Variants in MBL2 observed in about 807,000 individuals in gnomAD.
MBL2 encodes mannose-binding protein C.
A neutral mutation model predicts 12.7 loss-of-function variants in MBL2; 6 were observed. That is an observed-to-expected ratio of 0.47 (90% CI 0.26 to 0.94). The LOEUF (loss-of-function observed/expected upper bound fraction) is 0.94, where lower values mean the gene tolerates loss of function less well. Among genes scored for constraint, MBL2 ranks in the 40% least tolerant of loss-of-function variants. The probability of loss-of-function intolerance (pLI) is 0.15; values close to 1 mark genes in which losing one functional copy is unlikely to be tolerated. For missense variants in MBL2, 307 were observed against 295.2 expected, an observed-to-expected ratio of 1.04 and a Z score of -0.29; for synonymous variants, 114 against 112.0, an observed-to-expected ratio of 1.02 and a Z score of -0.11.
chr10:52,772,763 G>A lies in MBL2; in HGVS notation c.-36C>T, dbSNP rs1455685676. 2 of 985,220 alleles carry A rather than the reference G, an allele frequency of 2.0e-6. No homozygotes were observed. The highest frequency in any genetic ancestry group is 1.0e-3 in the Middle Eastern group (2 of 1,936). The allele number at this position is 985,220 out of a possible 1,614,324, so 61.0% of individuals were successfully genotyped here. On this transcript the variant is annotated 5_prime_UTR_variant, in exon 1 of 5. Coordinates refer to ENST00000674931, the MANE Select transcript of MBL2 (RefSeq NM_001378373.1). ...GGTGTTTCTGCAGAGCAGGGACTCA[G>A]TGACAAGGACGCTGGCCCTCTAGCC...
intron 1 of MBL2, among the ~76,000 whole-genome samples, chr10:52,771,873 A>G (rs1589872435): frequency 6.6e-6 from 1 of 152,328 alleles, no homozygotes; most frequent in African/African-American, 2.4e-5. Context: ...GGAGGGGTTC[A>G]TCTGTGCCTA....
Position 52,766,362 on chromosome 10 carries a change from C to T in MBL2, c.*1775G>A, listed in dbSNP as rs566059561. 24 of 152,154 alleles carry T rather than the reference C, an allele frequency of 1.6e-4. No homozygotes were observed. The highest frequency in any genetic ancestry group is 5.3e-4 in the African/African-American group (22 of 41,534). The allele number at this position is 152,154 out of a possible 1,614,324, so 9.4% of individuals were successfully genotyped here. ...AACAAATAGACTAGAATAGACAGCCCAGAAACAGACACACACACATACAGT... is the reference window on the plus strand; with the variant it reads ...AACAAATAGACTAGAATAGACAGCCTAGAAACAGACACACACACATACAGT... On this transcript the variant is annotated 3_prime_UTR_variant, in exon 5 of 5. Transcript: ENST00000674931.
chr10:52,765,440 T>C lies in MBL2; in HGVS notation c.*2697A>G, dbSNP rs936463381. On this transcript the variant is annotated 3_prime_UTR_variant, in exon 5 of 5. Coordinates refer to ENST00000674931, the MANE Select transcript of MBL2 (RefSeq NM_001378373.1). ...TTGATTTAATTTTTAAAAATCGATA[T>C]GTGTTATGTATAATATCACATTATC... The C allele has an allele frequency of 6.6e-5, 10 of 152,248 alleles. No individual in the cohort carries two copies. The highest frequency in any genetic ancestry group is 6.5e-4 in the Admixed American group (10 of 15,292). 9.4% of individuals were successfully genotyped at this position (152,248 alleles called of 1,614,324 possible). A position where few individuals can be genotyped will look rare whatever the true frequency, so the allele number is the denominator to read the frequency against.
rs900353098 is a variant in MBL2 at position 52,771,438 on chromosome 10, C to G, written c.187+11G>C. On this transcript the variant is annotated intron_variant, in intron 2 of 4. Transcript: ENST00000674931. The stretch of plus-strand genomic sequence containing the variant: ...TAAAGAATTGCAGAGACAGAACAGC[C>G]CAACACGTACCTGGTTCCCCCTTTT... 1 of 1,612,928 alleles carries G rather than the reference C, an allele frequency of 6.2e-7. No homozygotes were observed. The highest frequency in any genetic ancestry group is 1.3e-5 in the African/African-American group (1 of 74,890).
chr10:52,766,588 ATATCT>A lies in MBL2; in HGVS notation c.*1544_*1548del, dbSNP rs538391080. ...CTTCATGGTTTCAAAATCATGAAAA[ATATCT>A]TATGATTTTGGGATGGGCAAAAATT... On this transcript the variant is annotated 3_prime_UTR_variant, in exon 5 of 5. Transcript: ENST00000674931. 157 of 152,268 alleles carry A rather than the reference ATATCT, an allele frequency of 1.0e-3. No homozygotes were observed. Among genetic ancestry groups the A allele is most frequent in the African/African-American group, 3.5e-3 (147 of 41,578 alleles). The allele number at this position is 152,268 out of a possible 1,614,324, so 9.4% of individuals were successfully genotyped here.
intron 3 of MBL2, 49 bp downstream of exon 3, chr10:52,770,621 G>T (rs373005659): frequency 3.1e-5 from 36 of 1,167,716 alleles, no homozygotes; most frequent in Middle Eastern, 4.2e-4. Flanking sequence ...GATACTCAAG[G>T]TCTCAGAACC....
rs1168857746 is a variant in MBL2 at position 52,768,404 on chromosome 10, G to A, written c.480C>T (p.Ala160=). 1.2e-6 allele frequency: 2 copies of A among 1,613,530 alleles called. No individual in the cohort carries two copies. The highest frequency in any genetic ancestry group is 2.2e-5 in the East Asian group (1 of 44,886). ...KVKALCVKFQ[A]SVATPRNAAE... ...CAGCATTCCTGGGGGTGGCCACAGA[G>A]GCCTGGAACTTGACACACAAGGCCT... The change falls in exon 5 of 5, where the codon GCC becomes GCT. Residue 160 remains alanine, a synonymous_variant. Coordinates refer to ENST00000674931, the MANE Select transcript of MBL2 (RefSeq NM_001378373.1).
Position 52,768,292 on chromosome 10 carries a change from G to T in MBL2, c.592C>A (p.Leu198Met). The change falls in exon 5 of 5, where the codon CTG becomes ATG. Residue 198 changes from leucine to methionine, a missense_variant. Physicochemically the swap from Leu to Met is conservative, Grantham distance 15 (BLOSUM62 2). Coordinates refer to ENST00000674931, the MANE Select transcript of MBL2 (RefSeq NM_001378373.1). The stretch of plus-strand genomic sequence containing the variant: ...GTGTAGGTCAGTCTATTTCCTGTCA[G>T]ATCCACAAACTGCCCTTCTGTCTTC... ...DEKTEGQFVD[L>M]TGNRLTYTNW... The T allele has an allele frequency of 6.2e-7, 1 of 1,613,770 alleles. No individual in the cohort carries two copies. Among genetic ancestry groups the T allele is most frequent in the Non-Finnish European group, 8.5e-7 (1 of 1,179,984 alleles).
rs1564435140 is a variant in MBL2 at position 52,768,039 on chromosome 10, C to T, written c.*98G>A. 1 of 1,445,036 alleles carries T rather than the reference C, an allele frequency of 6.9e-7. No individual in the cohort carries two copies. The highest frequency in any genetic ancestry group is 9.3e-7 in the Non-Finnish European group (1 of 1,076,708). 89.5% of individuals were successfully genotyped at this position (1,445,036 alleles called of 1,614,324 possible). ...GTGATTGCCCACAAAAGGAACAATA[C>T]TGGATATGAGGAAATTGATATAATT... On this transcript the variant is annotated 3_prime_UTR_variant, in exon 5 of 5. Transcript: ENST00000674931.
chr10:52,766,524 GGAAAAATATCTTCATGATTTCAAAATCAT>G lies in MBL2; in HGVS notation c.*1584_*1612del, dbSNP rs1840306913. 6.6e-6 allele frequency: 1 copy of G among 151,904 alleles called. No individual in the cohort carries two copies. Among genetic ancestry groups the G allele is most frequent in the Non-Finnish European group, 1.5e-5 (1 of 67,974 alleles). 9.4% of individuals were successfully genotyped at this position (151,904 alleles called of 1,614,324 possible). On this transcript the variant is annotated 3_prime_UTR_variant, in exon 5 of 5. Coordinates refer to ENST00000674931, the MANE Select transcript of MBL2 (RefSeq NM_001378373.1). ...ATTAATAAAACTATTAGAAAAAAAT[GGAAAAATATCTTCATGATTTCAAAATCAT>G]GAAAAATCTCTTCATGGTTTCAAAA...
chr10:52,768,366 G>A lies in MBL2; in HGVS notation c.518C>T (p.Ala173Val), dbSNP rs773253821. 1 of 1,613,686 alleles carries A rather than the reference G, an allele frequency of 6.2e-7. No individual in the cohort carries two copies. The highest frequency in any genetic ancestry group is 1.3e-5 in the African/African-American group (1 of 74,698). ...TTCCTCCTTGATGAGATTCTGAATG[G>A]CTCCATTCTCTGCAGCATTCCTGGG... ...ATPRNAAENG[A>V]IQNLIKEEAF... The change falls in exon 5 of 5, where the codon GCC becomes GTC. Residue 173 changes from alanine to valine, a missense_variant. Physicochemically the swap from Ala to Val is moderately conservative, Grantham distance 64 (BLOSUM62 0). Coordinates refer to ENST00000674931, the MANE Select transcript of MBL2 (RefSeq NM_001378373.1).
In MBL2 at chr10:52,769,248, C is replaced by T; in HGVS notation, c.372G>A (p.Lys124=). The change falls in exon 4 of 5, where the codon AAG becomes AAA. Residue 124 remains lysine (K), a splice_region_variant and synonymous_variant. Coordinates refer to ENST00000674931, the MANE Select transcript of MBL2 (RefSeq NM_001378373.1). The part of the protein sequence containing the change: ...ALQTEMARIK[K]WLTFSLGKQV... The stretch of plus-strand genomic sequence containing the variant: ...TGGAGAGTAAGAGAAAAAGCTTACA[C>T]TTTTTGATACGTGCCATTTCTGTTT... The T allele has an allele frequency of 6.2e-7, 1 of 1,607,668 alleles. No homozygotes were observed. Among genetic ancestry groups the T allele is most frequent in the East Asian group, 2.2e-5 (1 of 44,836 alleles).
At chr10:52,768,847 T>G (rs1840347589) in intron 4 of MBL2, among the ~76,000 whole-genome samples, 1 of 152,064 alleles carries the variant, frequency 6.6e-6, no homozygotes, top group Non-Finnish European at 1.5e-5. Flanking sequence ...TTTGGACTTC[T>G]GAATTCTAAA....
Position 52,770,698 on chromosome 10 carries a change from G to A in MBL2, c.276C>T (p.Gly92=). 1 of 1,504,188 alleles carries A rather than the reference G, an allele frequency of 6.6e-7. No homozygotes were observed. Among genetic ancestry groups the A allele is most frequent in the Non-Finnish European group, 8.9e-7 (1 of 1,118,998 alleles). 93.2% of individuals were successfully genotyped at this position (1,504,188 alleles called of 1,614,324 possible). A position where few individuals can be genotyped will look rare whatever the true frequency, so the allele number is the denominator to read the frequency against. ...GACTTTTTCCAGGGTCTCCTTTTTG[G>A]CCCTTTGGTCCTGGTGACCCAGAAG... is the stretch of plus-strand genomic sequence containing the variant. ...PGPSGSPGPK[G]QKGDPGKSPD... is the part of the protein sequence containing the mutation. The change falls in exon 3 of 5, where the codon GGC becomes GGT. Residue 92 remains glycine, a synonymous_variant. Transcript: ENST00000674931.
intron 1 of MBL2, among the ~76,000 whole-genome samples, chr10:52,772,325 CCT>C (rs1490490842): frequency 9.9e-5 from 15 of 152,100 alleles, no homozygotes; most frequent in African/African-American, 3.6e-4. Context: ...GTGCTAAATA[CCT>C]CTCTACTTTC....
intron 3 of MBL2, 83 bp downstream of exon 3, chr10:52,770,587 C>G (rs899419394): frequency 3.7e-6 from 3 of 819,252 alleles, no homozygotes; most frequent in Non-Finnish European, 5.3e-6. Flanking sequence ...TTTGAAGGAA[C>G]AGGAGAAGGG....
rs1326866533 is a variant in MBL2 at position 52,770,658 on chromosome 10, T to G, written c.304+12A>C. ...TGGGTGAAGTCAGCTCAGACCTTGC[T>G]GGGGTCCTTACCCGGACTTTTTCCA... On this transcript the variant is annotated intron_variant, in intron 3 of 4. Coordinates refer to ENST00000674931, the MANE Select transcript of MBL2 (RefSeq NM_001378373.1). 1.4e-6 allele frequency: 2 copies of G among 1,432,772 alleles called. No homozygotes were observed. Among genetic ancestry groups the G allele is most frequent in the South Asian group, 1.6e-5 (1 of 62,960 alleles). 88.8% of individuals were successfully genotyped at this position (1,432,772 alleles called of 1,614,324 possible). A position where few individuals can be genotyped will look rare whatever the true frequency, so the allele number is the denominator to read the frequency against.
At position 52,771,441 on chromosome 10, in the gene MBL2, A is replaced by G. The variant is rs368802583; in HGVS notation, c.187+8T>C. On this transcript the variant is annotated splice_region_variant and intron_variant, in intron 2 of 4. Transcript: ENST00000674931. ...AGAATTGCAGAGACAGAACAGCCCA[A>G]CACGTACCTGGTTCCCCCTTTTCTC... 15 of 1,613,312 alleles carry G rather than the reference A, an allele frequency of 9.3e-6. No homozygotes were observed. Among genetic ancestry groups the G allele is most frequent in the Middle Eastern group, 1.7e-4 (1 of 5,784 alleles).
chr10:52,770,725 C>A lies in MBL2; in HGVS notation c.249G>T (p.Gly83=), dbSNP rs757152192. The change falls in exon 3 of 5, where the codon GGG becomes GGT. Residue 83 remains glycine (G), a synonymous_variant. Transcript: ENST00000674931. ...CCTTTGGTCCTGGTGACCCAGAAGGCCCTGGATTTCCTGGAGGCCCCAACT... is the reference window on the plus strand; with the variant it reads ...CCTTTGGTCCTGGTGACCCAGAAGGACCTGGATTTCCTGGAGGCCCCAACT... ...PGKLGPPGNP[G]PSGSPGPKGQ... is the part of the protein sequence containing the mutation. The A allele has an allele frequency of 3.9e-6, 6 of 1,524,952 alleles. No individual in the cohort carries two copies. The Admixed American group carries it at 5.7e-5, about 15-fold the overall frequency. 94.5% of individuals were successfully genotyped at this position (1,524,952 alleles called of 1,614,324 possible). A position where few individuals can be genotyped will look rare whatever the true frequency, so the allele number is the denominator to read the frequency against.
Sources: gnomAD v4.1 joint callset for allele counts (sites outside exome capture counted in the v4.1 genomes callset) on GRCh38, gnomAD v4.1.1 for gene constraint, MANE v1.5 for transcripts, NCBI Gene and HGNC (gene_info 2026-07-23, HGNC 2026-07-21) for gene names.